Variants in NECTIN1 observed in about 807,000 individuals in gnomAD.
The protein encoded by NECTIN1 is nectin-1.
Under a neutral mutation model 48.0 loss-of-function variants are expected in NECTIN1, and 23 were observed. That is an observed-to-expected ratio of 0.48 (90% CI 0.34 to 0.68). NECTIN1 has a LOEUF of 0.68. NECTIN1 is among the 30% of genes least tolerant of loss of function. The pLI, the probability that NECTIN1 is intolerant of heterozygous loss-of-function variation, is 0.01. For missense variants in NECTIN1, 591 were observed against 709.9 expected (o/e 0.83, Z 1.90); for synonymous variants, 270 against 288.9 (o/e 0.93, Z 0.66).
In NECTIN1 at chr11:119,709,436, A is replaced by G. The variant is rs1865599434; in HGVS notation, c.79+19039T>C. 6.6e-6 allele frequency among the ~76,000 whole-genome samples: 1 copy of G among 152,128 alleles called. No individual in the cohort carries two copies. Among genetic ancestry groups the G allele is most frequent in the African/African-American group, 2.4e-5 (1 of 41,414 alleles). On this transcript the variant is annotated intron_variant, in intron 1 of 5. Coordinates refer to ENST00000264025, the MANE Select transcript of NECTIN1 (RefSeq NM_002855.5). The surrounding 1 kb of genome is among the most constrained non-coding windows in gnomAD (Gnocchi z 4.1). ...AGAGCCTGCAGGGGCAGGGGCGCAG[A>G]GGAAGCCGAGACTACCCTCTAAAGA...
At chr11:119,711,464 T>G (rs188787602) in intron 1 of NECTIN1, among the ~76,000 whole-genome samples, 1 of 151,314 alleles carries the variant, frequency 6.6e-6, no homozygotes, top group East Asian at 1.9e-4. Context: ...CTCCCATCGG[T>G]TTACTGTACA....
intron 1 of NECTIN1, among the ~76,000 whole-genome samples, chr11:119,696,506 C>A (rs1047137818): frequency 3.3e-5 from 5 of 152,194 alleles, no homozygotes; most frequent in Admixed American, 6.5e-5. Flanking sequence ...TGCCCCACCC[C>A]CACTGAGAGC....
At chr11:119,639,657 T>A in intron 6 of NECTIN1, 1 of 631,596 alleles carries the variant, frequency 1.6e-6, no homozygotes, top group South Asian at 1.9e-5. Flanking sequence ...GAAGCCCTTT[T>A]GAACTGGGGC....
At chr11:119,705,586 C>T (rs533686515) in intron 1 of NECTIN1, among the ~76,000 whole-genome samples, 120 of 152,264 alleles carry the variant, frequency 7.9e-4, no homozygotes, top group African/African-American at 2.6e-3. Context: ...TAACTGTGGC[C>T]GGTGTAGCTA....
In NECTIN1 at chr11:119,664,653, T is replaced by C; in HGVS notation, c.*94A>G. 2 of 1,468,532 alleles carry C rather than the reference T, an allele frequency of 1.4e-6. No individual in the cohort carries two copies. Among genetic ancestry groups the C allele is most frequent in the East Asian group, 5.0e-5 (2 of 40,032 alleles). 91.0% of individuals were successfully genotyped at this position (1,468,532 alleles called of 1,614,324 possible). On this transcript the variant is annotated 3_prime_UTR_variant, in exon 6 of 6. Coordinates refer to ENST00000264025, the MANE Select transcript of NECTIN1 (RefSeq NM_002855.5). ...CTTTGGGCAGCTGGGCAAGTCTCTG[T>C]TCAGCTCCTGGAGTGGGAGGTGGGG...
intron 1 of NECTIN1, among the ~76,000 whole-genome samples, chr11:119,720,352 G>A (rs1377524887): frequency 6.6e-6 from 1 of 152,274 alleles, no homozygotes; most frequent in African/African-American, 2.4e-5. Context: ...CAGACCAGCT[G>A]CTGGCAGGCC....
rs189214143 is a variant in NECTIN1, at chr11:119,644,751, G to A, written c.1004-4739C>T. Among the ~76,000 whole-genome samples, 125 of 152,272 alleles carry A rather than the reference G, an allele frequency of 8.2e-4. No individual in the cohort carries two copies. The East Asian group carries it at 0.018, about 22-fold the overall frequency. On this transcript the variant is annotated intron_variant, in intron 5 of 7. Coordinates refer to the NECTIN1 transcript ENST00000341398. ...AGAACATTGTAGGCAGAGTGAGGAG[G>A]GCTACCGGGGCACGTGTGTGAAATG...
intron 1 of NECTIN1, among the ~76,000 whole-genome samples, chr11:119,679,378 C>T (rs1865021178): frequency 6.6e-6 from 1 of 152,180 alleles, no homozygotes; most frequent in Non-Finnish European, 1.5e-5. Context: ...ATCATGGCCA[C>T]CCCTGCTGTC....
intron 1 of NECTIN1, among the ~76,000 whole-genome samples, chr11:119,696,391 G>C (rs763074210): frequency 1.3e-5 from 2 of 150,948 alleles, no homozygotes; most frequent in Non-Finnish European, 2.9e-5. Context: ...CCTCTTGTCA[G>C]TGCAATCAGG....
In NECTIN1 at chr11:119,672,710, G is replaced by A. The variant is rs191643886; in HGVS notation, c.1003+2449C>T. Among the ~76,000 whole-genome samples, 2 of 152,276 alleles carry A rather than the reference G, an allele frequency of 1.3e-5. No homozygotes were observed. The highest frequency in any genetic ancestry group is 1.3e-4 in the Admixed American group (2 of 15,302). On this transcript the variant is annotated intron_variant, in intron 5 of 5. Coordinates refer to ENST00000264025, the MANE Select transcript of NECTIN1 (RefSeq NM_002855.5). This position sits in a 1 kb window ranked among gnomAD's most constrained non-coding sequence, Gnocchi z 4.3. ...CTGTGGCCAACAGAGAGAAGGCCTT[G>A]CTCCTTCCTCCCTGCCCACTCTGCT...
At chr11:119,703,805 A>G (rs1865496800) in intron 1 of NECTIN1, among the ~76,000 whole-genome samples, 1 of 152,232 alleles carries the variant, frequency 6.6e-6, no homozygotes, top group Non-Finnish European at 1.5e-5. Flanking sequence ...AGGATTGATC[A>G]TGGAAAATGC....
intron 1 of NECTIN1, among the ~76,000 whole-genome samples, chr11:119,720,170 C>T: frequency 6.6e-6 from 1 of 152,220 alleles, no homozygotes; most frequent in Non-Finnish European, 1.5e-5. Flanking sequence ...CAGTGGGACC[C>T]ACATGACGTG....
chr11:119,640,279 G>T, intron 5 of NECTIN1: 3 of 531,082 alleles, frequency 5.6e-6, no homozygotes, highest in Non-Finnish European at 1.0e-5. Context: ...AAGGGTGAGG[G>T]TATCTCCTGG....
chr11:119,644,696 T>A (rs1326349252), intron 5 of NECTIN1, among the ~76,000 whole-genome samples: 1 of 152,152 alleles, frequency 6.6e-6, no homozygotes, highest in African/African-American at 2.4e-5. Context: ...GAACAGGGTT[T>A]TGATAGCATA....
rs117005344 is a variant in NECTIN1 at position 119,720,866 on chromosome 11, G to A, written c.79+7609C>T. Among the ~76,000 whole-genome samples the A allele has an allele frequency of 7.2e-3, 1,094 of 152,328 alleles. 49 individuals are homozygous for A. Among genetic ancestry groups the A allele is most frequent in the Admixed American group, 0.06 (912 of 15,304 alleles). On this transcript the variant is annotated intron_variant, in intron 1 of 5. Transcript: ENST00000264025. ...CAATGACTGAGGACAAGGAACGCGA[G>A]CTGGGGAGGGGTGGGACTAGGAAGC...
At position 119,661,801 on chromosome 11, in the gene NECTIN1, C is replaced by T. The variant is rs1396847798; in HGVS notation, c.*2946G>A. Reference sequence around the variant, plus strand: ...GATCAGACCATTCCCTCTGCCACATCTGTGCTGAGTGGCCATCTGGCTGTG... The same window carrying T: ...GATCAGACCATTCCCTCTGCCACATTTGTGCTGAGTGGCCATCTGGCTGTG... On this transcript the variant is annotated 3_prime_UTR_variant, in exon 6 of 6. Transcript: ENST00000264025. 1 of 985,404 alleles carries T rather than the reference C, an allele frequency of 1.0e-6. No homozygotes were observed. The highest frequency in any genetic ancestry group is 1.7e-5 in the African/African-American group (1 of 57,226). 61.0% of individuals were successfully genotyped at this position (985,404 alleles called of 1,614,324 possible).
chr11:119,664,748 T>C lies in NECTIN1; in HGVS notation c.1553A>G (p.Ter518TrpextTer9). The change falls in exon 6 of 6, where the codon TAG (stop) becomes TGG (tryptophan). Residue 518 changes from the stop codon to tryptophan (W), a stop_lost. Transcript: ENST00000264025. ...CAGACAGAGGCTCTGGAAGGGGGGC[T>C]ACACGTACCACTCCTTCTTGGAAAT... ...SFISKKEWYV[*>W] 3 of 1,609,334 alleles carry C rather than the reference T, an allele frequency of 1.9e-6. No individual in the cohort carries two copies. The highest frequency in any genetic ancestry group is 2.5e-6 in the Non-Finnish European group (3 of 1,177,534).
At chr11:119,697,160 G>A (rs1591473127) in intron 1 of NECTIN1, among the ~76,000 whole-genome samples, 1 of 152,302 alleles carries the variant, frequency 6.6e-6, no homozygotes, top group East Asian at 1.9e-4. Flanking sequence ...GAGACGCTTT[G>A]AACCCCAGAA....
At position 119,647,176 on chromosome 11, in the gene NECTIN1, T is replaced by C. The variant is rs1273329868; in HGVS notation, c.1004-7164A>G. ...CTTGCGGCGCATGTGTGTGTGTGTG[T>C]GTGTGTGTGTGTGTGTGTGTGTGTG... On this transcript the variant is annotated intron_variant, in intron 5 of 7. Coordinates refer to the NECTIN1 transcript ENST00000341398. Among the ~76,000 whole-genome samples, 287 of 73,030 alleles carry C rather than the reference T, an allele frequency of 3.9e-3. 4 individuals carry two copies. The East Asian group carries it at 0.065, about 16-fold the overall frequency. 47.9% of individuals were successfully genotyped at this position (73,030 alleles called of 152,430 possible).
Sources: gnomAD v4.1 joint callset for allele counts (sites outside exome capture counted in the v4.1 genomes callset) on GRCh38, gnomAD v4.1.1 for gene constraint, Gnocchi (gnomAD v3.1) non-coding constraint, MANE v1.5 for transcripts, NCBI Gene and HGNC (gene_info 2026-07-23, HGNC 2026-07-21) for gene names.